The following TMEM266 variants were observed in gnomAD, a reference collection of about 807,000 sequenced individuals.
TMEM266 encodes the protein Hv1 related protein 1.
TMEM266 carries 33 observed loss-of-function variants against 50.5 expected under a neutral mutation model. The ratio of observed to expected loss-of-function variants is 0.65; its 90% CI spans 0.50 to 0.87. The LOEUF is 0.87. Ranked by LOEUF, TMEM266 falls within the 40% of genes least tolerant of loss-of-function variation. The probability of loss-of-function intolerance (pLI) is 0.00; values close to 1 mark genes in which losing one functional copy is unlikely to be tolerated. For synonymous variants in TMEM266, 310 were observed against 292.3 expected (o/e 1.06, Z -0.62); for missense variants, 655 against 695.1 (o/e 0.94, Z 0.65).
At chr15:76,065,102 AAAT>A (rs1275095979) in intron 1 of TMEM266, among the ~76,000 whole-genome samples, 1 of 152,228 alleles carries the variant, frequency 6.6e-6, no homozygotes, top group African/African-American at 2.4e-5. Context: ...ATGACTCCTA[AAAT>A]TTGTTAGCTT....
intron 1 of TMEM266, among the ~76,000 whole-genome samples, chr15:76,110,080 A>G (rs2037146095): frequency 1.3e-5 from 2 of 151,696 alleles, no homozygotes; most frequent in African/African-American, 4.8e-5. Context: ...GCTCACTGCA[A>G]TCTCTGTCTC....
chr15:76,104,378 C>T (rs775002348), intron 1 of TMEM266, among the ~76,000 whole-genome samples: 1 of 152,152 alleles, frequency 6.6e-6, no homozygotes, highest in Non-Finnish European at 1.5e-5. Flanking sequence ...TTCAAGTGCA[C>T]CATAGCCACA....
At chr15:76,178,414 C>T (rs8038526) in intron 8 of TMEM266, 109,161 of 152,142 alleles carry the variant, frequency 0.72, 40,323 homozygotes, top group Middle Eastern at 0.85. Flanking sequence ...TGCTGTTGAA[C>T]AGGAAAACAA....
chr15:76,082,463 A>G (rs757037831), intron 1 of TMEM266, among the ~76,000 whole-genome samples: 6 of 152,230 alleles, frequency 3.9e-5, no homozygotes, highest in Non-Finnish European at 8.8e-5. Context: ...AATGTATTAT[A>G]ATGTTTTGAA....
At chr15:76,172,153 C>G (rs1413324018) in intron 7 of TMEM266, among the ~76,000 whole-genome samples, 1 of 152,134 alleles carries the variant, frequency 6.6e-6, no homozygotes, top group African/African-American at 2.4e-5. Flanking sequence ...GACAGTGGTT[C>G]CCAGGATGTT....
chr15:76,196,795 ACAGT>A (rs369250797), intron 9 of TMEM266, among the ~76,000 whole-genome samples: 2 of 152,092 alleles, frequency 1.3e-5, no homozygotes, highest in African/African-American at 4.8e-5. Context: ...CCAGCAGGTC[ACAGT>A]CAGACAACGC....
chr15:76,165,118 G>A (rs1262899180), intron 5 of TMEM266, among the ~76,000 whole-genome samples: 3 of 152,234 alleles, frequency 2.0e-5, no homozygotes, highest in African/African-American at 7.2e-5. Context: ...CTGCCATTTG[G>A]CTGAGGCAGG....
chr15:76,184,811 T>C (rs2038470673), intron 8 of TMEM266, among the ~76,000 whole-genome samples: 1 of 152,250 alleles, frequency 6.6e-6, no homozygotes, highest in Admixed American at 6.5e-5. Flanking sequence ...TAATGCATAC[T>C]GCGGGCTTCC....
chr15:76,104,619 C>T (rs957228097), intron 1 of TMEM266, among the ~76,000 whole-genome samples: 5 of 150,352 alleles, frequency 3.3e-5, no homozygotes, highest in East Asian at 2.0e-4. Flanking sequence ...GAGATGGAGA[C>T]GCTGCAGATA....
At chr15:76,078,454 T>G (rs943725000) in intron 1 of TMEM266, among the ~76,000 whole-genome samples, 6 of 151,184 alleles carry the variant, frequency 4.0e-5, no homozygotes, top group Admixed American at 3.9e-4. Context: ...TAAGTTTGAC[T>G]CAACCTTGAG....
At chr15:76,068,025 A>G (rs1262611956) in intron 1 of TMEM266, among the ~76,000 whole-genome samples, 1 of 152,230 alleles carries the variant, frequency 6.6e-6, no homozygotes, top group Non-Finnish European at 1.5e-5. Context: ...TGCTTTGCTG[A>G]AAGGCCACAA....
rs1039061155 is a variant in TMEM266, at chr15:76,126,850, A to T, written c.-96-7318A>T. ...AGCCTATATGTAGAATCTTTTTTTT[A>T]AAAGAAAAGTTGAACTCATAGTAAC... is the stretch of plus-strand genomic sequence containing the variant. On this transcript the variant is annotated intron_variant, in intron 1 of 10. Coordinates refer to ENST00000388942, the MANE Select transcript of TMEM266 (RefSeq NM_152335.3). 2.0e-5 allele frequency among the ~76,000 whole-genome samples: 3 copies of T among 152,120 alleles called. No individual in the cohort carries two copies. The South Asian group carries it at 6.2e-4, about 32-fold the overall frequency.
chr15:76,093,787 G>A (rs1347618718), intron 1 of TMEM266, among the ~76,000 whole-genome samples: 1 of 151,886 alleles, frequency 6.6e-6, no homozygotes, highest in Admixed American at 6.6e-5. Flanking sequence ...TTGTTTCCTG[G>A]CTTTTTAATG....
rs907125657 is a variant in TMEM266, at chr15:76,192,300, G to A, written c.958+143G>A. ...TCCTTCACTCGTGATTGGGGGACAC[G>A]CTCAGATCAGTAGCCTCGGTACTGC... On this transcript the variant is annotated intron_variant, in intron 9 of 10. Transcript: ENST00000388942. The A allele has an allele frequency of 3.3e-5, 25 of 764,998 alleles. No homozygotes were observed. In the South Asian group the frequency reaches 5.7e-4, roughly 18 times the overall value. The allele number at this position is 764,998 out of a possible 1,614,324, so 47.4% of individuals were successfully genotyped here. A position where few individuals can be genotyped will look rare whatever the true frequency, so the allele number is the denominator to read the frequency against.
intron 1 of TMEM266, among the ~76,000 whole-genome samples, chr15:76,120,157 A>G (rs2037318541): frequency 6.6e-6 from 1 of 152,154 alleles, no homozygotes; most frequent in Admixed American, 6.6e-5. Flanking sequence ...TGAAAATACC[A>G]GTATATAATG....
chr15:76,105,560 C>T lies in TMEM266; in HGVS notation c.-96-28608C>T, dbSNP rs113894267. On this transcript the variant is annotated intron_variant, in intron 1 of 10. Coordinates refer to ENST00000388942, the MANE Select transcript of TMEM266 (RefSeq NM_152335.3). ...GGTCTCTGTTGCACTATTCAATCTT[C>T]CATTGTAGTACAAAAGCAGTCTGAC... Among the ~76,000 whole-genome samples, 659 of 152,356 alleles carry T rather than the reference C, an allele frequency of 4.3e-3. 1 individual carries two copies. Among genetic ancestry groups the T allele is most frequent in the African/African-American group, 0.015 (618 of 41,586 alleles).
chr15:76,166,979 G>A (rs1465093794), intron 5 of TMEM266, among the ~76,000 whole-genome samples: 1 of 152,166 alleles, frequency 6.6e-6, no homozygotes, highest in Non-Finnish European at 1.5e-5. Context: ...GGAGAAGAAG[G>A]GGGAGGAAGA....
intron 3 of TMEM266, among the ~76,000 whole-genome samples, chr15:76,154,545 G>T (rs1203762209): frequency 6.6e-6 from 1 of 151,954 alleles, no homozygotes; most frequent in Non-Finnish European, 1.5e-5. Context: ...TTTTGACCTG[G>T]CTGATTTCCT....
At chr15:76,128,313 C>T (rs1231669018) in intron 1 of TMEM266, among the ~76,000 whole-genome samples, 1 of 152,202 alleles carries the variant, frequency 6.6e-6, no homozygotes, top group Non-Finnish European at 1.5e-5. Flanking sequence ...GGACTGACTA[C>T]TTGATCTTAG....
Sources: gnomAD v4.1 joint callset for allele counts (sites outside exome capture counted in the v4.1 genomes callset) on GRCh38, gnomAD v4.1.1 for gene constraint, MANE v1.5 for transcripts, NCBI Gene and HGNC (gene_info 2026-07-23, HGNC 2026-07-21) for gene names.